Variants in TIAM1 observed in about 807,000 individuals in gnomAD.
TIAM1 encodes TIAM Rac1 associated GEF 1, also known as rho guanine nucleotide exchange factor TIAM1.
In TIAM1, 65 loss-of-function variants were observed where a neutral mutation model predicts 163.5. That is an observed-to-expected ratio of 0.40 (90% CI 0.33 to 0.49). The LOEUF is 0.49. TIAM1 is among the 20% of genes least tolerant of loss of function. The pLI is 0.77. For synonymous variants in TIAM1, 833 were observed against 810.1 expected (o/e 1.03, Z -0.48); for missense variants, 1,789 against 2,044.7 (o/e 0.87, Z 2.41).
intron 2 of TIAM1, among the ~76,000 whole-genome samples, chr21:31,317,115 C>G (rs750205822): frequency 3.3e-5 from 5 of 152,214 alleles, no homozygotes; most frequent in African/African-American, 4.8e-5. Context: ...TCCCCGTAAG[C>G]TCTGTCCTCT....
At chr21:31,486,760 C>T (rs2046285603) in intron 1 of TIAM1, among the ~76,000 whole-genome samples, 1 of 152,218 alleles carries the variant, frequency 6.6e-6, no homozygotes, top group Admixed American at 6.5e-5. Context: ...GGGGCAGTCC[C>T]AGGGCAGAAG....
intron 1 of TIAM1, among the ~76,000 whole-genome samples, chr21:31,491,498 G>A (rs559737916): frequency 2.0e-5 from 3 of 152,288 alleles, no homozygotes; most frequent in African/African-American, 7.2e-5. Flanking sequence ...GAGGACAGGC[G>A]ACCAGGACCT....
chr21:31,141,529 T>TG lies in TIAM1; in HGVS notation c.3476-26dup. 2.5e-6 allele frequency: 4 copies of TG among 1,609,618 alleles called. No homozygotes were observed. The highest frequency in any genetic ancestry group is 3.4e-6 in the Non-Finnish European group (4 of 1,177,896). The stretch of plus-strand genomic sequence containing the variant: ...GCTGGCAGGGTTTAAACACAGGTCA[T>TG]GGGGGTGGAACGCCCACGTGACTCC... On this transcript the variant is annotated intron_variant, in intron 20 of 27. Transcript: ENST00000541036. This position sits in a 1 kb window ranked among gnomAD's most constrained non-coding sequence, Gnocchi z 4.7.
At chr21:31,483,354 T>G (rs528903814) in intron 1 of TIAM1, among the ~76,000 whole-genome samples, 2 of 152,274 alleles carry the variant, frequency 1.3e-5, no homozygotes, top group East Asian at 3.9e-4. Context: ...GTGGGTCTCG[T>G]GCCAAGAAGT....
intron 1 of TIAM1, among the ~76,000 whole-genome samples, chr21:31,556,892 G>A (rs892245579): frequency 6.6e-6 from 1 of 152,134 alleles, no homozygotes; most frequent in Non-Finnish European, 1.5e-5. Context: ...AAAAGCATAT[G>A]CTGGAAACCA....
At chr21:31,362,823 C>T (rs2076430145) in intron 2 of TIAM1, among the ~76,000 whole-genome samples, 1 of 152,110 alleles carries the variant, frequency 6.6e-6, no homozygotes, top group South Asian at 2.1e-4. Flanking sequence ...GGAGCGCTCA[C>T]TCTCATTCTT....
chr21:31,190,060 G>T (rs1465911409), intron 13 of TIAM1, among the ~76,000 whole-genome samples: 1 of 152,116 alleles, frequency 6.6e-6, no homozygotes, highest in Non-Finnish European at 1.5e-5. Context: ...GGGATCATGA[G>T]TGGCAACTGG....
At chr21:31,349,178 C>T (rs1402977246), upstream of TIAM1, among the ~76,000 whole-genome samples, 1 of 152,156 alleles carries the variant, frequency 6.6e-6, no homozygotes, top group Non-Finnish European at 1.5e-5. Context: ...GTTTTCATTA[C>T]CCCAAATTAG....
chr21:31,191,378 T>A (rs1425819812), intron 13 of TIAM1, among the ~76,000 whole-genome samples: 1 of 152,082 alleles, frequency 6.6e-6, no homozygotes, highest in Non-Finnish European at 1.5e-5. Flanking sequence ...ATGGTCTCAA[T>A]CTCTTGACCT....
In TIAM1 at chr21:31,540,519, G is replaced by A. The variant is rs558205256; in HGVS notation, c.-422+18408C>T. On this transcript the variant is annotated intron_variant, in intron 1 of 28. Coordinates refer to the TIAM1 transcript ENST00000286827. ...TTTGGGAAGCTGAGGCAGGAGGATC[G>A]CTTAAGCCTGGGAGTTTGTGACCAG... 5.9e-4 allele frequency among the ~76,000 whole-genome samples: 90 copies of A among 152,314 alleles called. 2 individuals carry two copies. The South Asian group carries it at 0.017, about 28-fold the overall frequency.
At chr21:31,272,479 TAA>T (rs36107845) in intron 3 of TIAM1, among the ~76,000 whole-genome samples, 74 of 133,000 alleles carry the variant, frequency 5.6e-4, no homozygotes, top group African/African-American at 8.8e-4. Context: ...AAGCCTTTTG[TAA>T]AAAAAAAAAA....
At chr21:31,384,626 C>A (rs968575406) in intron 2 of TIAM1, among the ~76,000 whole-genome samples, 1 of 152,110 alleles carries the variant, frequency 6.6e-6, no homozygotes, top group East Asian at 1.9e-4. Flanking sequence ...TATTCTGTAT[C>A]GTCTCTTGTA....
At chr21:31,491,278 GA>G (rs375995418) in intron 1 of TIAM1, among the ~76,000 whole-genome samples, 68 of 152,300 alleles carry the variant, frequency 4.5e-4, no homozygotes, top group African/African-American at 1.5e-3. Flanking sequence ...ACTAACCTTG[GA>G]ACCACCATGT....
chr21:31,139,694 T>C (rs2082759130), intron 22 of TIAM1, among the ~76,000 whole-genome samples: 1 of 152,228 alleles, frequency 6.6e-6, no homozygotes, highest in Non-Finnish European at 1.5e-5. Context: ...TATACTCTGA[T>C]AGATTAAATT....
chr21:31,193,130 G>A (rs1340362953), intron 13 of TIAM1, among the ~76,000 whole-genome samples: 1 of 152,160 alleles, frequency 6.6e-6, no homozygotes, highest in Non-Finnish European at 1.5e-5. Context: ...TTAAACATAT[G>A]GAAAGGAATA....
At chr21:31,342,886 C>T (rs879755797) in intron 1 of TIAM1, among the ~76,000 whole-genome samples, 19 of 152,154 alleles carry the variant, frequency 1.2e-4, no homozygotes, top group African/African-American at 3.6e-4. Flanking sequence ...AAGCAAACTG[C>T]GGCCCCAGCA....
intron 2 of TIAM1, among the ~76,000 whole-genome samples, chr21:31,402,219 A>C (rs2077177921): frequency 6.6e-6 from 1 of 151,696 alleles, no homozygotes. Context: ...CTCAAAAAAA[A>C]CAACAACAAC....
intron 2 of TIAM1, among the ~76,000 whole-genome samples, chr21:31,363,011 C>G (rs896250081): frequency 6.6e-6 from 1 of 152,108 alleles, no homozygotes; most frequent in Admixed American, 6.5e-5. Context: ...CTTCCACCAT[C>G]CTTAACCACA....
chr21:31,474,061 G>A (rs142862449), intron 1 of TIAM1, among the ~76,000 whole-genome samples: 66 of 152,232 alleles, frequency 4.3e-4, no homozygotes, highest in African/African-American at 1.4e-3. Flanking sequence ...GAGAGAGAGC[G>A]CAAGAGAGAG....
Sources: allele counts gnomAD v4.1 joint callset (sites outside exome capture counted in the v4.1 genomes callset), GRCh38; gene constraint gnomAD v4.1.1; non-coding constraint Gnocchi (gnomAD v3.1); transcripts MANE v1.5; gene names NCBI Gene and HGNC (gene_info 2026-07-23, HGNC 2026-07-21).